The following PTPRQ variants were observed in gnomAD, a reference collection of about 807,000 sequenced individuals.
PTPRQ encodes phosphatidylinositol phosphatase PTPRQ.
Under a neutral mutation model 246.0 loss-of-function variants are expected in PTPRQ, and 199 were observed. The ratio of observed to expected loss-of-function variants is 0.81; its 90% CI spans 0.72 to 0.91. The LOEUF (loss-of-function observed/expected upper bound fraction) is 0.91. PTPRQ is among the 40% of genes least tolerant of loss of function. The probability of loss-of-function intolerance (pLI) is 0.00; values close to 1 mark genes in which losing one functional copy is unlikely to be tolerated. For missense variants in PTPRQ, 2,624 were observed against 2,528.4 expected (o/e 1.04, Z -0.81); for synonymous variants, 869 against 853.2 (o/e 1.02, Z -0.32).
chr12:80,505,933 T>G (rs2079492359), intron 14 of PTPRQ, 91 bp from the exon 15 acceptor site: 3 of 1,362,688 alleles, frequency 2.2e-6, no homozygotes, highest in Non-Finnish European at 2.9e-6. Context: ...GGTTCAATTG[T>G]AAATAACCTA....
intron 37 of PTPRQ, among the ~76,000 whole-genome samples, chr12:80,651,569 G>A (rs988572541): frequency 6.6e-6 from 1 of 152,034 alleles, no homozygotes; most frequent in African/African-American, 2.4e-5. Flanking sequence ...TTGTGGCCTT[G>A]TGCACCCTGA....
At chr12:80,565,416 C>T (rs537946972) in intron 25 of PTPRQ, among the ~76,000 whole-genome samples, 1 of 152,196 alleles carries the variant, frequency 6.6e-6, no homozygotes, top group Admixed American at 6.5e-5. Context: ...ATCTTATTAC[C>T]CTATTTTCCA....
chr12:80,582,274 C>A (rs1897465237), intron 25 of PTPRQ, among the ~76,000 whole-genome samples: 1 of 152,144 alleles, frequency 6.6e-6, no homozygotes. Flanking sequence ...GTTTCCAGGG[C>A]AGTCTGGGTT....
intron 7 of PTPRQ, 66 bp from the exon 8 acceptor site, chr12:80,472,039 C>G (rs1052219223): frequency 3.9e-5 from 60 of 1,536,560 alleles, no homozygotes; most frequent in Non-Finnish European, 7.9e-6. Context: ...TGGCTCTGTA[C>G]TTAAATGTGA....
At chr12:80,480,308 A>T (rs1230131890) in intron 8 of PTPRQ, among the ~76,000 whole-genome samples, 2 of 152,164 alleles carry the variant, frequency 1.3e-5, no homozygotes, top group Non-Finnish European at 2.9e-5. Context: ...AGAAATAAAG[A>T]TGTTCTTTGA....
At chr12:80,479,105 A>C (rs1335703203) in intron 8 of PTPRQ, among the ~76,000 whole-genome samples, 1 of 151,884 alleles carries the variant, frequency 6.6e-6, no homozygotes. Context: ...TGAAGGAAAA[A>C]ATGTTAAGGG....
intron 38 of PTPRQ, among the ~76,000 whole-genome samples, chr12:80,653,708 T>G (rs1443485457): frequency 6.6e-6 from 1 of 152,194 alleles, no homozygotes; most frequent in African/African-American, 2.4e-5. Context: ...GAGAAGGATG[T>G]GATCATAGAA....
rs570841989 is a variant in PTPRQ, at chr12:80,474,345, G to A, written c.1186+2094G>A. Among the ~76,000 whole-genome samples, 14 of 152,152 alleles carry A rather than the reference G, an allele frequency of 9.2e-5. No individual in the cohort carries two copies. The South Asian group carries it at 2.7e-3, about 29-fold the overall frequency. On this transcript the variant is annotated intron_variant, in intron 8 of 44. Coordinates refer to ENST00000644991, the MANE Select transcript of PTPRQ (RefSeq NM_001145026.2). ...TTTAAAAAATAATTAGGACTAGTTT[G>A]CTTCTTTTAAATTACCTTTTAAAAC...
intron 33 of PTPRQ, among the ~76,000 whole-genome samples, chr12:80,631,794 G>C (rs1899445178): frequency 6.6e-6 from 1 of 152,194 alleles, no homozygotes; most frequent in Admixed American, 6.5e-5. Flanking sequence ...GGAGGATACA[G>C]TTGAAAGGAG....
intron 39 of PTPRQ, among the ~76,000 whole-genome samples, chr12:80,660,498 T>C (rs1004830746): frequency 6.6e-6 from 1 of 151,992 alleles, no homozygotes; most frequent in Admixed American, 6.6e-5. Flanking sequence ...TGCCACCAAC[T>C]GTACAAATGA....
At chr12:80,502,903 T>A (rs1188881433) in intron 14 of PTPRQ, among the ~76,000 whole-genome samples, 2 of 151,784 alleles carry the variant, frequency 1.3e-5, no homozygotes, top group African/African-American at 4.8e-5. Flanking sequence ...ACTGGATAGA[T>A]CATTTGCATG....
rs190529996 is a variant in PTPRQ, at chr12:80,612,355, C to G, written c.4919-1237C>G. Among the ~76,000 whole-genome samples, 162 of 150,342 alleles carry G rather than the reference C, an allele frequency of 1.1e-3. 1 individual carries two copies. The highest frequency in any genetic ancestry group is 3.8e-3 in the African/African-American group (157 of 41,324). On this transcript the variant is annotated intron_variant, in intron 28 of 44. Coordinates refer to ENST00000644991, the MANE Select transcript of PTPRQ (RefSeq NM_001145026.2). ...TTAGAAAATTGGCAGAAGACATGAA[C>G]AGACATTTCACCACAAAGGAGACAT...
chr12:80,506,146 A>G lies in PTPRQ; in HGVS notation c.2395A>G (p.Arg799Gly), dbSNP rs753878138. The change falls in exon 15 of 45, where the codon AGA (arginine) becomes GGA (glycine). Residue 799 changes from arginine to glycine, a missense_variant. Arg to Gly is a moderately radical substitution (Grantham distance 125, BLOSUM62 -2). Transcript: ENST00000644991. ...ACAAAAATATACAATTTATCTCAAG[A>G]GAAGTAATGGAAATGAGGAAAGAAC... is the stretch of plus-strand genomic sequence containing the variant. Reference protein sequence around the residue: ...IIQKYTIYLKRSNGNEERTIN... With the variant: ...IIQKYTIYLKGSNGNEERTIN... The G allele has an allele frequency of 1.3e-6, 2 of 1,535,252 alleles. No individual in the cohort carries two copies. The highest frequency in any genetic ancestry group is 2.8e-5 in the African/African-American group (2 of 72,396).
chr12:80,483,879 C>CATTCT (rs1565737419), intron 8 of PTPRQ, among the ~76,000 whole-genome samples: 1 of 152,070 alleles, frequency 6.6e-6, no homozygotes, highest in Non-Finnish European at 1.5e-5. Flanking sequence ...ATGATGGTTT[C>CATTCT]CAGCTTTATC....
chr12:80,567,256 T>A (rs547724862), intron 25 of PTPRQ, among the ~76,000 whole-genome samples: 1 of 152,376 alleles, frequency 6.6e-6, no homozygotes, highest in South Asian at 2.1e-4. Flanking sequence ...AGTATGAGTG[T>A]CTAGTACTTT....
At chr12:80,659,945 A>G (rs2121255059) in intron 39 of PTPRQ, among the ~76,000 whole-genome samples, 1 of 152,142 alleles carries the variant, frequency 6.6e-6, no homozygotes, top group South Asian at 2.1e-4. Flanking sequence ...GATGTCAAGA[A>G]CAGATGGGAA....
At position 80,549,535 on chromosome 12, in the gene PTPRQ, A is replaced by G; in HGVS notation, c.4086A>G (p.Pro1362=). 6.4e-7 allele frequency: 1 copy of G among 1,551,170 alleles called. No individual in the cohort carries two copies. Among genetic ancestry groups the G allele is most frequent in the Non-Finnish European group, 8.7e-7 (1 of 1,146,562 alleles). Residue 1362 remains proline (P), a synonymous_variant, in exon 25 of 45, where the codon CCA becomes CCG. Coordinates refer to ENST00000644991, the MANE Select transcript of PTPRQ (RefSeq NM_001145026.2). ...AGTCAGTTTTAGTGAAATGGGATCC[A>G]CCCAAAAAGGCAAATGGAATAATAA... ...SWQSVLVKWD[P]PKKANGIITQ... is the part of the protein sequence containing the mutation.
At position 80,610,472 on chromosome 12, in the gene PTPRQ, A is replaced by G. The variant is rs1429475197; in HGVS notation, c.4765A>G (p.Lys1589Glu). 6.6e-7 allele frequency: 1 copy of G among 1,507,010 alleles called. No individual in the cohort carries two copies. The highest frequency in any genetic ancestry group is 2.1e-5 in the Admixed American group (1 of 48,182). 93.4% of individuals were successfully genotyped at this position (1,507,010 alleles called of 1,614,324 possible). Residue 1589 changes from lysine to glutamate, a missense_variant, in exon 28 of 45, where the codon AAG (lysine) becomes GAG (glutamate). Coordinates refer to ENST00000644991, the MANE Select transcript of PTPRQ (RefSeq NM_001145026.2). ...TGATGAATTTAATATATCCTTCATC[A>G]AGTCAAATGAAGAAAATAAAACCAT... is the stretch of plus-strand genomic sequence containing the variant. Reference protein sequence around the residue: ...DNDEFNISFIKSNEENKTIEI... With the variant: ...DNDEFNISFIESNEENKTIEI...
Position 80,678,973 on chromosome 12 carries a change from C to G in PTPRQ, c.6863-13C>G. The G allele has an allele frequency of 6.5e-7, 1 of 1,540,436 alleles. No individual in the cohort carries two copies. Among genetic ancestry groups the G allele is most frequent in the Non-Finnish European group, 8.7e-7 (1 of 1,142,868 alleles). On this transcript the variant is annotated splice_polypyrimidine_tract_variant and intron_variant, in intron 44 of 44. Coordinates refer to ENST00000644991, the MANE Select transcript of PTPRQ (RefSeq NM_001145026.2). ...TTCAACACTCTCTTGTAACATGTTACTTTCTGTTATAGGTGATGTTGAGCT... is the reference window on the plus strand; with the variant it reads ...TTCAACACTCTCTTGTAACATGTTAGTTTCTGTTATAGGTGATGTTGAGCT...
Sources: allele counts gnomAD v4.1 joint callset (sites outside exome capture counted in the v4.1 genomes callset), GRCh38; gene constraint gnomAD v4.1.1; transcripts MANE v1.5; gene names NCBI Gene and HGNC (gene_info 2026-07-23, HGNC 2026-07-21).